The following BCAR3 variants were observed in gnomAD, a reference collection of about 807,000 sequenced individuals.
BCAR3 encodes breast cancer anti-estrogen resistance protein 3.
In BCAR3, 37 loss-of-function variants were observed where a neutral mutation model predicts 80.1. The ratio of observed to expected loss-of-function variants is 0.46; its 90% CI spans 0.36 to 0.61. The LOEUF is 0.61. BCAR3 is among the 20% of genes least tolerant of loss of function. The pLI is 0.00. For missense variants in BCAR3, 978 were observed against 1,068.2 expected (o/e 0.92, Z 1.18); for synonymous variants, 389 against 418.9 (o/e 0.93, Z 0.87).
rs748309697 is a variant in BCAR3 at position 93,664,546 on chromosome 1, CA to C, written c.317+10067del. Reference sequence around the variant, plus strand: ...GGCAGTTTCCCTAATCATGTTAAAACAGCATCATTTAAATATCCTGCATATT... The same window carrying C: ...GGCAGTTTCCCTAATCATGTTAAAACGCATCATTTAAATATCCTGCATATT... On this transcript the variant is annotated intron_variant, in intron 2 of 11. Transcript: ENST00000260502. Among the ~76,000 whole-genome samples, 7 of 152,284 alleles carry C rather than the reference CA, an allele frequency of 4.6e-5. No individual in the cohort carries two copies. In the East Asian group the frequency reaches 9.6e-4, roughly 21 times the overall value.
chr1:93,615,442 G>C (rs1358791373), intron 3 of BCAR3, among the ~76,000 whole-genome samples: 1 of 152,214 alleles, frequency 6.6e-6, no homozygotes, highest in Non-Finnish European at 1.5e-5. Context: ...GCCACAGCGA[G>C]TGTGGGCGAT....
chr1:93,802,084 G>A (rs1274427745), intron 2 of BCAR3, among the ~76,000 whole-genome samples: 4 of 151,462 alleles, frequency 2.6e-5, no homozygotes, highest in Admixed American at 1.3e-4. Flanking sequence ...AGCTGGGATT[G>A]TGCCACTGCA....
rs1185569365 is a variant in BCAR3 at position 93,796,639 on chromosome 1, G to A, written c.-63+48928C>T. On this transcript the variant is annotated intron_variant, in intron 2 of 13. Transcript: ENST00000370244. The stretch of plus-strand genomic sequence containing the variant: ...TTCTGCGTCGCTCACGCTGGGAGCT[G>A]TAGACTGGAGCTGTTCCTATTCGGC... Among the ~76,000 whole-genome samples the A allele has an allele frequency of 2.0e-5, 3 of 152,120 alleles. No individual in the cohort carries two copies. The East Asian group carries it at 5.8e-4, about 29-fold the overall frequency.
chr1:93,817,204 G>A (rs953609531), intron 2 of BCAR3, among the ~76,000 whole-genome samples: 1 of 152,220 alleles, frequency 6.6e-6, no homozygotes, highest in African/African-American at 2.4e-5. Flanking sequence ...AGCCTTATAT[G>A]TGAGCAGGCA....
rs571237608 is a variant in BCAR3 at position 93,789,900 on chromosome 1, C to T, written c.-63+55667G>A. Among the ~76,000 whole-genome samples the T allele has an allele frequency of 1.4e-3, 208 of 152,112 alleles. 2 individuals are homozygous for T. The highest frequency in any genetic ancestry group is 4.7e-3 in the African/African-American group (196 of 41,490). ...CACAGTCAGTCATACTGGTGAGGGA[C>T]CTTGAGGAGTCAGGTGGAAGAATAT... On this transcript the variant is annotated intron_variant, in intron 2 of 13. Transcript: ENST00000370244.
chr1:93,779,792 C>T (rs1652702595), intron 2 of BCAR3, among the ~76,000 whole-genome samples: 1 of 152,162 alleles, frequency 6.6e-6, no homozygotes, highest in South Asian at 2.1e-4. Context: ...TGGTATGTGG[C>T]AGCTGCAATA....
chr1:93,586,963 T>C lies in BCAR3; in HGVS notation c.929+2014A>G, dbSNP rs1673970173. On this transcript the variant is annotated intron_variant, in intron 5 of 11. Transcript: ENST00000260502. The surrounding 1 kb of genome is among the most constrained non-coding windows in gnomAD (Gnocchi z 4.2). ...TTAATTTTTGCATTTTTAGTAGAGA[T>C]GGGGTTTTGCCATGTTGGCCAGGTT... is the stretch of plus-strand genomic sequence containing the variant. Among the ~76,000 whole-genome samples the C allele has an allele frequency of 6.6e-6, 1 of 152,138 alleles. No individual in the cohort carries two copies. The highest frequency in any genetic ancestry group is 1.5e-5 in the Non-Finnish European group (1 of 68,016).
rs140964948 is a variant in BCAR3 at position 93,778,387 on chromosome 1, T to C, written c.-63+67180A>G. 7.8e-3 allele frequency among the ~76,000 whole-genome samples: 1,181 copies of C among 152,346 alleles called. 17 individuals are homozygous for C. Among genetic ancestry groups the C allele is most frequent in the African/African-American group, 0.027 (1,136 of 41,578 alleles). On this transcript the variant is annotated intron_variant, in intron 2 of 13. Transcript: ENST00000370244. ...AAAAATTTTATATTTGCATCTCTTA[T>C]GGTGAAGAATCTTGGTTTCTATCAA... is the stretch of plus-strand genomic sequence containing the variant.
At chr1:93,612,008 C>T (rs190396487) in intron 3 of BCAR3, among the ~76,000 whole-genome samples, 3 of 152,244 alleles carry the variant, frequency 2.0e-5, no homozygotes, top group South Asian at 2.1e-4. Context: ...CTAATTGCAA[C>T]GGAAACTAAT....
chr1:93,568,944 T>C (rs1281386374), intron 9 of BCAR3, among the ~76,000 whole-genome samples: 1 of 152,170 alleles, frequency 6.6e-6, no homozygotes, highest in African/African-American at 2.4e-5. Flanking sequence ...ACCTCAGCCT[T>C]CTGAGTAGCT....
At chr1:93,672,536 C>T (rs1300948738) in intron 2 of BCAR3, among the ~76,000 whole-genome samples, 1 of 152,204 alleles carries the variant, frequency 6.6e-6, no homozygotes, top group Non-Finnish European at 1.5e-5. Context: ...GGCATCTGTG[C>T]TCATCTTTAG....
intron 1 of BCAR3, among the ~76,000 whole-genome samples, chr1:93,675,950 A>G (rs961122621): frequency 5.0e-4 from 73 of 146,084 alleles, no homozygotes; most frequent in African/African-American, 1.9e-3. Context: ...AAAAAAAAAA[A>G]GGCTGGCCCC....
chr1:93,701,569 T>G (rs929020501), intron 3 of BCAR3, among the ~76,000 whole-genome samples: 1 of 152,200 alleles, frequency 6.6e-6, no homozygotes, highest in Non-Finnish European at 1.5e-5. Context: ...GGAAACAAAA[T>G]GAAGCCACTG....
chr1:93,773,938 C>A (rs1029042194), intron 2 of BCAR3, among the ~76,000 whole-genome samples: 1 of 152,160 alleles, frequency 6.6e-6, no homozygotes, highest in Non-Finnish European at 1.5e-5. Context: ...TCAAGTCCCA[C>A]TAAAATGGTG....
intron 2 of BCAR3, among the ~76,000 whole-genome samples, chr1:93,781,414 C>T (rs140568039): frequency 3.2e-4 from 48 of 152,236 alleles, no homozygotes; most frequent in East Asian, 1.2e-3. Context: ...AACCGGGCAG[C>T]GGGTCCTCTG....
intron 3 of BCAR3, among the ~76,000 whole-genome samples, chr1:93,705,667 C>T (rs1018139336): frequency 6.6e-5 from 10 of 152,210 alleles, no homozygotes; most frequent in African/African-American, 2.4e-4. Context: ...CCCCACCTTA[C>T]GGCAGGTTAT....
chr1:93,598,970 G>A (rs1305032884), intron 3 of BCAR3: 1 of 152,068 alleles, frequency 6.6e-6, no homozygotes, highest in Non-Finnish European at 1.5e-5. Flanking sequence ...GAGGGCTAAA[G>A]CATGCGAAGG....
chr1:93,622,363 T>C (rs1675340291), intron 3 of BCAR3, among the ~76,000 whole-genome samples: 1 of 152,220 alleles, frequency 6.6e-6, no homozygotes, highest in Non-Finnish European at 1.5e-5. Context: ...TCTGGTGTGA[T>C]GAGGGAAGCA....
chr1:93,562,239 T>C lies in BCAR3; in HGVS notation c.*2A>G. ...ATATTCTAAAGGTTCTCTGGAGAGT[T>C]ATCAAAGCTCTGCCTGCTTTACAGG... On this transcript the variant is annotated 3_prime_UTR_variant, in exon 12 of 12. Transcript: ENST00000260502. 2 of 1,612,616 alleles carry C rather than the reference T, an allele frequency of 1.2e-6. No individual in the cohort carries two copies. Among genetic ancestry groups the C allele is most frequent in the Non-Finnish European group, 1.7e-6 (2 of 1,179,116 alleles).
Sources: allele counts gnomAD v4.1 joint callset (sites outside exome capture counted in the v4.1 genomes callset), GRCh38; gene constraint gnomAD v4.1.1; non-coding constraint Gnocchi (gnomAD v3.1); transcripts MANE v1.5; gene names NCBI Gene and HGNC (gene_info 2026-07-23, HGNC 2026-07-21).